Variants in NSD1 observed in about 807,000 individuals in gnomAD.
The protein encoded by NSD1 is nuclear receptor binding SET domain protein 1, also known as histone-lysine N-methyltransferase, H3 lysine-36 specific.
NSD1 carries 26 observed loss-of-function variants against 242.7 expected under a neutral mutation model. The ratio of observed to expected loss-of-function variants is 0.11; its 90% confidence interval spans 0.08 to 0.15. The LOEUF (loss-of-function observed/expected upper bound fraction) is 0.15. Among genes scored for constraint, NSD1 ranks in the 10% least tolerant of loss-of-function variants. The pLI is 1.00. For missense variants in NSD1, 2,495 were observed against 3,272.8 expected, an observed-to-expected ratio of 0.76 and a Z score of 5.80; for synonymous variants, 1,106 against 1,178.1, an observed-to-expected ratio of 0.94 and a Z score of 1.25.
intron 5 of NSD1, among the ~76,000 whole-genome samples, chr5:177,215,319 G>C (rs1362749795): frequency 6.6e-6 from 1 of 151,332 alleles, no homozygotes; most frequent in African/African-American, 2.4e-5. Context: ...TGGGATTACA[G>C]GCATATACCA....
At chr5:177,209,320 G>T (rs561908715) in intron 4 of NSD1, among the ~76,000 whole-genome samples, 3 of 151,858 alleles carry the variant, frequency 2.0e-5, no homozygotes, top group Admixed American at 6.6e-5. Context: ...TTCAGGTCAG[G>T]AGTTTGAGAC....
intron 2 of NSD1, among the ~76,000 whole-genome samples, chr5:177,168,023 T>C (rs1759352909): frequency 6.6e-6 from 1 of 152,234 alleles, no homozygotes; most frequent in Admixed American, 6.6e-5. Context: ...AAATAGGCCA[T>C]TGGAATTTTC....
At chr5:177,150,275 A>G (rs1171740336) in intron 2 of NSD1, among the ~76,000 whole-genome samples, 1 of 151,888 alleles carries the variant, frequency 6.6e-6, no homozygotes, top group Non-Finnish European at 1.5e-5. Context: ...CTGGGATTAC[A>G]GGCACCCGCC....
chr5:177,240,877 A>G (rs73347642), intron 8 of NSD1, among the ~76,000 whole-genome samples: 3,950 of 151,710 alleles, frequency 0.026, 171 homozygotes, highest in African/African-American at 0.091. Context: ...ACCCCAGAAA[A>G]TGGTGTGGTG....
intron 11 of NSD1, among the ~76,000 whole-genome samples, chr5:177,250,720 G>A (rs1027033399): frequency 1.3e-5 from 2 of 152,166 alleles, no homozygotes; most frequent in Non-Finnish European, 2.9e-5. Context: ...TAAAGTCCCT[G>A]AGTTCCCCTA....
intron 8 of NSD1, among the ~76,000 whole-genome samples, chr5:177,242,514 ATTATTTAT>A (rs10605953): frequency 1.7e-4 from 25 of 145,586 alleles, no homozygotes; most frequent in African/African-American, 5.3e-4. Context: ...AATGGCCTTT[ATTATTTAT>A]TTATTTATTT....
chr5:177,173,849 G>A (rs894861511), intron 2 of NSD1, among the ~76,000 whole-genome samples: 1 of 152,152 alleles, frequency 6.6e-6, no homozygotes, highest in African/African-American at 2.4e-5. Context: ...GGTCTTCTGA[G>A]AACAATAGTC....
chr5:177,158,293 C>CTTTCTTTCTT (rs1758352018), intron 2 of NSD1, among the ~76,000 whole-genome samples: 2 of 77,674 alleles, frequency 2.6e-5, no homozygotes, highest in African/African-American at 9.3e-5. Flanking sequence ...TTCTTTCTTT[C>CTTTCTTTCTT]TTTCTTTCTT....
intron 3 of NSD1, among the ~76,000 whole-genome samples, chr5:177,194,569 C>T (rs1434337238): frequency 5.0e-5 from 7 of 139,780 alleles, no homozygotes; most frequent in Non-Finnish European, 1.1e-4. Context: ...ATGTGTGAGT[C>T]ACCATGCCTC....
intron 5 of NSD1, among the ~76,000 whole-genome samples, chr5:177,221,744 C>T (rs1298765960): frequency 6.6e-6 from 1 of 152,090 alleles, no homozygotes; most frequent in East Asian, 1.9e-4. Flanking sequence ...GCTGGGATTA[C>T]AAGCATTAGC....
chr5:177,277,763 T>C (rs576625528), intron 17 of NSD1, among the ~76,000 whole-genome samples: 6 of 152,292 alleles, frequency 3.9e-5, no homozygotes, highest in African/African-American at 1.4e-4. Context: ...CTGAATCACC[T>C]GAGCCTGGAA....
intron 2 of NSD1, among the ~76,000 whole-genome samples, chr5:177,149,152 T>C (rs551080469): frequency 6.6e-6 from 1 of 152,270 alleles, no homozygotes; most frequent in East Asian, 1.9e-4. Context: ...CTCACCAGCA[T>C]TTGGTGTGGT....
chr5:177,167,040 A>G (rs904127846), intron 2 of NSD1, among the ~76,000 whole-genome samples: 1 of 151,398 alleles, frequency 6.6e-6, no homozygotes, highest in Non-Finnish European at 1.5e-5. Flanking sequence ...GCTACTGGGC[A>G]AGGCTGTGCC....
At chr5:177,184,634 C>G (rs1377473599) in intron 2 of NSD1, among the ~76,000 whole-genome samples, 2 of 151,948 alleles carry the variant, frequency 1.3e-5, no homozygotes, top group Non-Finnish European at 2.9e-5. Context: ...GCTCACGCAT[C>G]CCTCCCAGTT....
chr5:177,138,130 T>C (rs1281085715), intron 2 of NSD1, among the ~76,000 whole-genome samples: 1 of 151,290 alleles, frequency 6.6e-6, no homozygotes, highest in Non-Finnish European at 1.5e-5. Flanking sequence ...ACTGAAAATA[T>C]TGGAGCCTTT....
At chr5:177,190,966 CTTTTTTTTTTTTTTCTT>C (rs1249311436) in intron 2 of NSD1, among the ~76,000 whole-genome samples, 3 of 127,372 alleles carry the variant, frequency 2.4e-5, no homozygotes, top group African/African-American at 9.3e-5. Context: ...TGCACCCAGC[CTTTTTTTTTTTTTTCTT>C]TTTTTTTTTT....
rs1412169628 is a variant in NSD1 at position 177,171,961 on chromosome 5, A to G, written c.928-19923A>G. On this transcript the variant is annotated intron_variant, in intron 2 of 22. Transcript: ENST00000439151. ...CTCTGCCTTCAGTTCTTTTTGGTAT[A>G]TGCTTAGCAGCAGAATAGCTGGGTC... Among the ~76,000 whole-genome samples the G allele has an allele frequency of 2.0e-5, 3 of 152,352 alleles. No individual in the cohort carries two copies. In the East Asian group the frequency reaches 5.8e-4, roughly 29 times the overall value.
At chr5:177,138,275 T>A (rs1402173440) in intron 2 of NSD1, among the ~76,000 whole-genome samples, 1 of 152,138 alleles carries the variant, frequency 6.6e-6, no homozygotes, top group Admixed American at 6.5e-5. Context: ...TTTATTTTTT[T>A]GAGACACAGT....
intron 17 of NSD1, among the ~76,000 whole-genome samples, chr5:177,276,678 G>A (rs1012032105): frequency 1.3e-5 from 2 of 151,686 alleles, no homozygotes; most frequent in African/African-American, 4.8e-5. Context: ...ATTTCACTAT[G>A]TTGCCTAGGC....
Sources: gnomAD v4.1 joint callset for allele counts (sites outside exome capture counted in the v4.1 genomes callset) on GRCh38, gnomAD v4.1.1 for gene constraint, MANE v1.5 for transcripts, NCBI Gene and HGNC (gene_info 2026-07-23, HGNC 2026-07-21) for gene names.